The following SALL3 variants were observed in gnomAD, a reference collection of about 807,000 sequenced individuals.
The protein encoded by SALL3 is spalt like transcription factor 3.
Under a neutral mutation model 66.2 loss-of-function variants are expected in SALL3, and 25 were observed. The observed-to-expected ratio is 0.38, with a 90% CI of 0.28 to 0.53. The LOEUF is 0.53. Among genes scored for constraint, SALL3 ranks in the 20% least tolerant of loss-of-function variants. The probability of loss-of-function intolerance (pLI) is 0.85; values close to 1 mark genes in which losing one functional copy is unlikely to be tolerated. For missense variants in SALL3, 2,194 were observed against 1,916.5 expected (o/e 1.14, Z -2.70); for synonymous variants, 1,152 against 899.1 (o/e 1.28, Z -5.03).
rs778203818 is a variant in SALL3 at position 78,980,289 on chromosome 18, G to A, written c.15G>A (p.Lys5=). MSRR[K]QAKPQHLKSD... is the part of the protein sequence containing the mutation. ...CCGCTAGCAGCATGTCTCGGCGCAA[G>A]CAGGCCAAGCCCCAGCACCTCAAGT... The change falls in exon 1 of 3, where the codon AAG becomes AAA. Residue 5 remains lysine, a synonymous_variant. Transcript: ENST00000537592. The A allele has an allele frequency of 1.8e-5, 25 of 1,395,658 alleles. No individual in the cohort carries two copies. The African/African-American group carries it at 3.2e-4, about 18-fold the overall frequency. The allele number at this position is 1,395,658 out of a possible 1,614,324, so 86.5% of individuals were successfully genotyped here. A position where few individuals can be genotyped will look rare whatever the true frequency, so the allele number is the denominator to read the frequency against.
rs35983860 is a variant in SALL3, at chr18:78,998,015, CT to C, written c.*711del. On this transcript the variant is annotated 3_prime_UTR_variant, in exon 3 of 3. Coordinates refer to ENST00000537592, the MANE Select transcript of SALL3 (RefSeq NM_171999.4). ...GTGCAAGTACCTGTCAGTAATAAGC[CT>C]TTTTTTTTTTTTTTTTTAATTTAAA... is the stretch of plus-strand genomic sequence containing the variant. The C allele has an allele frequency of 0.057, 7,880 of 138,696 alleles. 213 individuals carry two copies. Among genetic ancestry groups the C allele is most frequent in the African/African-American group, 0.067 (2,511 of 37,302 alleles). 8.6% of individuals were successfully genotyped at this position (138,696 alleles called of 1,614,324 possible).
intron 1 of SALL3, among the ~76,000 whole-genome samples, chr18:78,986,736 C>G (rs28576427): frequency 0.029 from 4,438 of 152,288 alleles, 209 homozygotes; most frequent in African/African-American, 0.097. Context: ...ACAACCCTTT[C>G]CCTGCACTAA....
chr18:78,996,534 G>A (rs1418061559), intron 2 of SALL3, among the ~76,000 whole-genome samples: 1 of 152,216 alleles, frequency 6.6e-6, no homozygotes, highest in Non-Finnish European at 1.5e-5. Context: ...GACAGTAGAG[G>A]TCAGAAGGGA....
Position 78,994,309 on chromosome 18 carries a change from A to G in SALL3, c.2318A>G (p.Glu773Gly). 1 of 1,613,660 alleles carries G rather than the reference A, an allele frequency of 6.2e-7. No individual in the cohort carries two copies. The highest frequency in any genetic ancestry group is 8.5e-7 in the Non-Finnish European group (1 of 1,180,004). Reference sequence around the variant, plus strand: ...CAGATCCCCAACACGCCGCTGCCGGAGGGCTTCCAGGATGCCATGGACTCC... The same window carrying G: ...CAGATCCCCAACACGCCGCTGCCGGGGGGCTTCCAGGATGCCATGGACTCC... Reference protein sequence around the residue: ...GGQIPNTPLPEGFQDAMDSEL... With the variant: ...GGQIPNTPLPGGFQDAMDSEL... The change falls in exon 2 of 3, where the codon GAG (glutamate) becomes GGG (glycine). Residue 773 changes from glutamate (E) to glycine (G), a missense_variant. Physicochemically the swap from Glu to Gly is moderately conservative, Grantham distance 98. Coordinates refer to ENST00000537592, the MANE Select transcript of SALL3 (RefSeq NM_171999.4).
Position 78,995,218 on chromosome 18 carries a change from A to C in SALL3, c.3227A>C (p.Glu1076Ala), listed in dbSNP as rs1206932653. The change falls in exon 2 of 3, where the codon GAG (glutamate) becomes GCG (alanine). Residue 1076 changes from glutamate (E) to alanine (A), a missense_variant. Coordinates refer to ENST00000537592, the MANE Select transcript of SALL3 (RefSeq NM_171999.4). ...CACGGCAAGGCCATGGCGCTGGGCG[A>C]GGGTCCCCCGCTGCCCGCGGGCGTC... ...NGHGKAMALG[E>A]GPPLPAGVQV... The C allele has an allele frequency of 6.2e-7, 1 of 1,607,454 alleles. No individual in the cohort carries two copies. Among genetic ancestry groups the C allele is most frequent in the African/African-American group, 1.3e-5 (1 of 75,004 alleles).
In SALL3 at chr18:78,993,226, G is replaced by A. The variant is rs369323667; in HGVS notation, c.1235G>A (p.Ser412Asn). Residue 412 changes from serine (S) to asparagine (N), a missense_variant, in exon 2 of 3, where the codon AGC becomes AAC. Ser to Asn is a conservative substitution (Grantham distance 46). Transcript: ENST00000537592. ...GTGTCGGTGTTCGAGCCCAAAGCCA[G>A]CGCCGAGGACCCGTTCTTCAAGCAC... ...PNVSVFEPKA[S>N]AEDPFFKHKC... 8.7e-6 allele frequency: 14 copies of A among 1,611,162 alleles called. No individual in the cohort carries two copies. The East Asian group carries it at 1.6e-4, about 18-fold the overall frequency.
chr18:78,990,566 C>G (rs1299752546), intron 1 of SALL3, among the ~76,000 whole-genome samples: 2 of 152,156 alleles, frequency 1.3e-5, no homozygotes, highest in Non-Finnish European at 2.9e-5. Flanking sequence ...CTAAATTATT[C>G]TTTTTCCAGA....
intron 1 of SALL3, among the ~76,000 whole-genome samples, chr18:78,984,625 T>TA (rs34822006): frequency 0.071 from 10,461 of 147,810 alleles, 491 homozygotes; most frequent in Non-Finnish European, 0.099. Context: ...AACTTTTATT[T>TA]AAAAAAAAAA....
Position 78,992,755 on chromosome 18 carries a change from C to T in SALL3, c.764C>T (p.Pro255Leu). 1.8e-6 allele frequency: 2 copies of T among 1,135,890 alleles called. No individual in the cohort carries two copies. The highest frequency in any genetic ancestry group is 2.2e-6 in the Non-Finnish European group (2 of 927,032). The allele number at this position is 1,135,890 out of a possible 1,614,324, so 70.4% of individuals were successfully genotyped here. A position where few individuals can be genotyped will look rare whatever the true frequency, so the allele number is the denominator to read the frequency against. ...GCCCCGAGCGCACCGGGCCCGGCCC[C>T]CAGCCAGCTGCCCGGGCTGGCCGCG... ...AAAPSAPGPA[P>L]SQLPGLAALP... The change falls in exon 2 of 3, where the codon CCC becomes CTC. Residue 255 changes from proline to leucine, a missense_variant. Transcript: ENST00000537592.
Position 78,992,112 on chromosome 18 carries a change from C to G in SALL3, c.121C>G (p.Pro41Ala). 6.3e-7 allele frequency: 1 copy of G among 1,588,718 alleles called. No homozygotes were observed. The highest frequency in any genetic ancestry group is 8.6e-7 in the Non-Finnish European group (1 of 1,168,512). Reference protein sequence around the residue: ...GEGAEDADSGPESRSGGEETS... With the variant: ...GEGAEDADSGAESRSGGEETS... The stretch of plus-strand genomic sequence containing the variant: ...AGGTGCGGAGGACGCAGACAGCGGG[C>G]CCGAGAGCCGCAGCGGGGGCGAGGA... Residue 41 changes from proline (P) to alanine (A), a missense_variant, in exon 2 of 3, where the codon CCC becomes GCC. By Grantham distance (27) the Pro-to-Ala change is conservative. Transcript: ENST00000537592.
At position 78,995,182 on chromosome 18, in the gene SALL3, A is replaced by C; in HGVS notation, c.3191A>C (p.Glu1064Ala). The C allele has an allele frequency of 6.8e-6, 11 of 1,612,418 alleles. No homozygotes were observed. Among genetic ancestry groups the C allele is most frequent in the Non-Finnish European group, 9.3e-6 (11 of 1,179,968 alleles). Reference protein sequence around the residue: ...SSAAPTMIKMEVNGHGKAMAL... With the variant: ...SSAAPTMIKMAVNGHGKAMAL... Reference sequence around the variant, plus strand: ...GCCGCACCCACCATGATCAAAATGGAAGTGAACGGTCACGGCAAGGCCATG... The same window carrying C: ...GCCGCACCCACCATGATCAAAATGGCAGTGAACGGTCACGGCAAGGCCATG... Residue 1064 changes from glutamate to alanine, a missense_variant, in exon 2 of 3, where the codon GAA (glutamate) becomes GCA (alanine). Glu to Ala is a moderately radical substitution (Grantham distance 107, BLOSUM62 -1). Coordinates refer to ENST00000537592, the MANE Select transcript of SALL3 (RefSeq NM_171999.4).
chr18:78,995,500 G>C, intron 2 of SALL3, 38 bp downstream of exon 2: 1 of 1,494,602 alleles, frequency 6.7e-7, no homozygotes, highest in Non-Finnish European at 8.8e-7. Context: ...GCTGCGGTGC[G>C]GCCGAGCCAC....
rs1422558024 is a variant in SALL3 at position 78,994,091 on chromosome 18, G to A, written c.2100G>A (p.Thr700=). 5 of 1,612,806 alleles carry A rather than the reference G, an allele frequency of 3.1e-6. No individual in the cohort carries two copies. The highest frequency in any genetic ancestry group is 1.6e-4 in the Middle Eastern group (1 of 6,084). ...CQSALKMHYR[T]HTGERPFKCK... ...GCGCGCTGAAGATGCACTACCGGAC[G>A]CACACGGGGGAGCGGCCGTTCAAGT... The change falls in exon 2 of 3, where the codon ACG becomes ACA. Residue 700 remains threonine (T), a synonymous_variant. Coordinates refer to ENST00000537592, the MANE Select transcript of SALL3 (RefSeq NM_171999.4).
At chr18:78,996,578 G>A (rs916676374) in intron 2 of SALL3, among the ~76,000 whole-genome samples, 3 of 152,210 alleles carry the variant, frequency 2.0e-5, no homozygotes, top group African/African-American at 4.8e-5. Flanking sequence ...AGCAAGACCC[G>A]GACCCTTCGA....
rs1250007083 is a variant in SALL3 at position 78,992,152 on chromosome 18, A to G, written c.161A>G (p.Glu54Gly). 2.5e-6 allele frequency: 4 copies of G among 1,608,386 alleles called. No individual in the cohort carries two copies. In the East Asian group the frequency reaches 9.0e-5, roughly 36 times the overall value. ...RSGGEETSVC[E>G]KCCAEFFKWA... ...GGGGGCGAGGAGACCAGCGTGTGCGAGAAATGCTGCGCCGAGTTCTTCAAG... is the reference window on the plus strand; with the variant it reads ...GGGGGCGAGGAGACCAGCGTGTGCGGGAAATGCTGCGCCGAGTTCTTCAAG... The change falls in exon 2 of 3, where the codon GAG becomes GGG. Residue 54 changes from glutamate (E) to glycine (G), a missense_variant. Coordinates refer to ENST00000537592, the MANE Select transcript of SALL3 (RefSeq NM_171999.4).
At position 78,993,634 on chromosome 18, in the gene SALL3, C is replaced by A. The variant is rs1447045426; in HGVS notation, c.1643C>A (p.Pro548Gln). 1 of 1,587,290 alleles carries A rather than the reference C, an allele frequency of 6.3e-7. No homozygotes were observed. Among genetic ancestry groups the A allele is most frequent in the Non-Finnish European group, 8.5e-7 (1 of 1,174,264 alleles). Residue 548 changes from proline to glutamine, a missense_variant, in exon 2 of 3, where the codon CCA becomes CAA. By Grantham distance (76) the Pro-to-Gln change is moderately conservative. Coordinates refer to ENST00000537592, the MANE Select transcript of SALL3 (RefSeq NM_171999.4). ...TACGCCGACTCTCCCAGCGCCACCC[C>A]AGCCAGCCGCTCCCCGCAGAGGCCC... ...HGYADSPSAT[P>Q]ASRSPQRPSP... is the part of the protein sequence containing the mutation.
Position 78,993,583 on chromosome 18 carries a change from C to A in SALL3, c.1592C>A (p.Pro531Gln). ...CCCACGTCCGTGGGGCTGCAACTGC[C>A]GCCCACTGTCCCTGGCGCGCACGGC... ...TVPTSVGLQL[P>Q]PTVPGAHGYA... The change falls in exon 2 of 3, where the codon CCG becomes CAG. Residue 531 changes from proline to glutamine, a missense_variant. By Grantham distance (76) the Pro-to-Gln change is moderately conservative. Transcript: ENST00000537592. 1 of 1,588,038 alleles carries A rather than the reference C, an allele frequency of 6.3e-7. No individual in the cohort carries two copies.
Position 78,994,984 on chromosome 18 carries a change from G to A in SALL3, c.2993G>A (p.Ser998Asn). The A allele has an allele frequency of 6.2e-7, 1 of 1,613,870 alleles. No individual in the cohort carries two copies. Among genetic ancestry groups the A allele is most frequent in the Non-Finnish European group, 8.5e-7 (1 of 1,180,014 alleles). ...AGCGCGTTGGAAATCCACTACCGCA[G>A]CCATACTAAGGAGCGGCCATTCGTC... ...CKSALEIHYR[S>N]HTKERPFVCA... Residue 998 changes from serine to asparagine, a missense_variant, in exon 2 of 3, where the codon AGC (serine) becomes AAC (asparagine). Coordinates refer to ENST00000537592, the MANE Select transcript of SALL3 (RefSeq NM_171999.4).
chr18:78,982,319 T>C (rs1914098753), intron 1 of SALL3, among the ~76,000 whole-genome samples: 1 of 152,218 alleles, frequency 6.6e-6, no homozygotes, highest in Admixed American at 6.5e-5. Context: ...CGTGGTAGAA[T>C]TGAAGTTCTT....
Sources: gnomAD v4.1 joint callset for allele counts (sites outside exome capture counted in the v4.1 genomes callset) on GRCh38, gnomAD v4.1.1 for gene constraint, MANE v1.5 for transcripts, NCBI Gene and HGNC (gene_info 2026-07-23, HGNC 2026-07-21) for gene names.